The following LRMDA variants were observed in gnomAD, a reference collection of about 807,000 sequenced individuals.
The protein encoded by LRMDA is leucine-rich melanocyte differentiation-associated protein.
LRMDA carries 18 observed loss-of-function variants against 29.8 expected under a neutral mutation model. The ratio of observed to expected loss-of-function variants is 0.60; its 90% CI spans 0.42 to 0.90. The LOEUF (loss-of-function observed/expected upper bound fraction) is 0.90, where lower values mean the gene tolerates loss of function less well. LRMDA is among the 40% of genes least tolerant of loss of function. The probability of loss-of-function intolerance (pLI) is 0.00; values close to 1 mark genes in which losing one functional copy is unlikely to be tolerated. For synonymous variants in LRMDA, 125 were observed against 109.4 expected, an observed-to-expected ratio of 1.14 and a Z score of -0.89; for missense variants, 273 against 273.9, an observed-to-expected ratio of 1.00 and a Z score of 0.02.
At chr10:75,685,524 T>C (rs1230493756) in intron 2 of LRMDA, among the ~76,000 whole-genome samples, 2 of 152,208 alleles carry the variant, frequency 1.3e-5, no homozygotes, top group African/African-American at 2.4e-5. Context: ...TATCTGCCTA[T>C]TCATATCCAT....
At chr10:76,430,493 T>A (rs1842179422) in intron 6 of LRMDA, among the ~76,000 whole-genome samples, 1 of 152,194 alleles carries the variant, frequency 6.6e-6, no homozygotes, top group East Asian at 1.9e-4. Context: ...GTATTAACCT[T>A]GTGATTTATG....
At chr10:75,607,375 TCAG>T in intron 2 of LRMDA, among the ~76,000 whole-genome samples, 1 of 152,346 alleles carries the variant, frequency 6.6e-6, no homozygotes, top group South Asian at 2.1e-4. Context: ...TATTTTCCCC[TCAG>T]CAGATTTGTT....
At chr10:75,712,450 G>T (rs1842447810) in intron 2 of LRMDA, among the ~76,000 whole-genome samples, 1 of 151,984 alleles carries the variant, frequency 6.6e-6, no homozygotes, top group South Asian at 2.1e-4. Flanking sequence ...GGCGGTTGGG[G>T]GGGTGGTGTG....
intron 2 of LRMDA, among the ~76,000 whole-genome samples, chr10:75,926,641 G>A (rs1846124690): frequency 6.6e-6 from 1 of 152,224 alleles, no homozygotes; most frequent in African/African-American, 2.4e-5. Context: ...TTGGCAGTTT[G>A]GGATTGCTCC....
intron 2 of LRMDA, among the ~76,000 whole-genome samples, chr10:75,672,778 G>C (rs1245375259): frequency 1.3e-5 from 2 of 149,970 alleles, no homozygotes; most frequent in Non-Finnish European, 3.0e-5. Flanking sequence ...CATCATGTTG[G>C]CCAGGCTGGT....
rs1292200155 is a variant in LRMDA at position 76,409,497 on chromosome 10, G to GA, written c.601+85019dup. Among the ~76,000 whole-genome samples, 11 of 152,122 alleles carry GA rather than the reference G, an allele frequency of 7.2e-5. No individual in the cohort carries two copies. In the East Asian group the frequency reaches 1.5e-3, roughly 21 times the overall value. Reference sequence around the variant, plus strand: ...ATTTAGACAATTAGTAATATTGGGAGAAAAAAACTACCCATAATTCTGATA... The same window carrying GA: ...ATTTAGACAATTAGTAATATTGGGAGAAAAAAAACTACCCATAATTCTGATA... On this transcript the variant is annotated intron_variant, in intron 6 of 6. Transcript: ENST00000611255.
chr10:75,659,074 A>G (rs1379384185), intron 2 of LRMDA, among the ~76,000 whole-genome samples: 2 of 152,252 alleles, frequency 1.3e-5, no homozygotes. Context: ...GGGCAAACAC[A>G]GACCTGGCTC....
chr10:75,957,225 A>C (rs1846678415), intron 2 of LRMDA, among the ~76,000 whole-genome samples: 1 of 152,192 alleles, frequency 6.6e-6, no homozygotes, highest in South Asian at 2.1e-4. Context: ...CTGAACCGTT[A>C]GTGGGCTATG....
chr10:75,696,323 C>T (rs568177752), intron 2 of LRMDA, among the ~76,000 whole-genome samples: 1 of 152,332 alleles, frequency 6.6e-6, no homozygotes, highest in East Asian at 1.9e-4. Flanking sequence ...CAGTCAACAT[C>T]TTGGGCATTG....
intron 2 of LRMDA, among the ~76,000 whole-genome samples, chr10:75,582,468 T>C (rs778087519): frequency 6.6e-6 from 1 of 152,196 alleles, no homozygotes; most frequent in Non-Finnish European, 1.5e-5. Flanking sequence ...TTTTTAGCCA[T>C]GACTGGAGCT....
At chr10:76,098,557 A>G (rs1849348728) in intron 5 of LRMDA, among the ~76,000 whole-genome samples, 1 of 152,152 alleles carries the variant, frequency 6.6e-6, no homozygotes, top group South Asian at 2.1e-4. Flanking sequence ...GCTGATATTG[A>G]CAACTTGTAC....
rs1049059492 is a variant in LRMDA, at chr10:76,280,893, A to G, written c.517-43508A>G. Among the ~76,000 whole-genome samples, 5 of 152,212 alleles carry G rather than the reference A, an allele frequency of 3.3e-5. 1 individual carries two copies. The highest frequency in any genetic ancestry group is 2.0e-4 in the Admixed American group (3 of 15,282). ...GATCCCTGCCTTCAGGAAGTTTACC[A>G]ACAAGGGCACAAGCAACCATTGTAG... On this transcript the variant is annotated intron_variant, in intron 5 of 6. Transcript: ENST00000611255.
intron 2 of LRMDA, among the ~76,000 whole-genome samples, chr10:75,662,189 A>G (rs1333193148): frequency 6.6e-6 from 1 of 152,146 alleles, no homozygotes. Context: ...CAAACTGCAA[A>G]GTGTAAAGTT....
intron 2 of LRMDA, among the ~76,000 whole-genome samples, chr10:75,907,328 G>C (rs186829692): frequency 1.3e-5 from 2 of 152,286 alleles, no homozygotes; most frequent in African/African-American, 4.8e-5. Context: ...ACAGGTTTCT[G>C]TGTAATTTGA....
intron 2 of LRMDA, among the ~76,000 whole-genome samples, chr10:75,597,985 T>C (rs1316197681): frequency 6.6e-6 from 1 of 151,758 alleles, no homozygotes; most frequent in East Asian, 1.9e-4. Context: ...AGAGAGGAAA[T>C]GAGTTCAAAC....
intron 5 of LRMDA, among the ~76,000 whole-genome samples, chr10:76,085,307 A>T (rs931505559): frequency 6.6e-6 from 1 of 152,214 alleles, no homozygotes; most frequent in Non-Finnish European, 1.5e-5. Context: ...ATTCAATGGG[A>T]GGAAGATATT....
intron 2 of LRMDA, among the ~76,000 whole-genome samples, chr10:75,520,358 T>G (rs1408537241): frequency 6.6e-6 from 1 of 152,232 alleles, no homozygotes; most frequent in Non-Finnish European, 1.5e-5. Context: ...CCATATTTTT[T>G]GGAGGCTTTG....
chr10:75,798,444 G>T (rs1193741755), intron 2 of LRMDA, among the ~76,000 whole-genome samples: 1 of 151,990 alleles, frequency 6.6e-6, no homozygotes, highest in Non-Finnish European at 1.5e-5. Context: ...TATTTCAAAA[G>T]AACCAGCTTT....
chr10:75,834,994 AAC>A (rs1162175315), intron 2 of LRMDA, among the ~76,000 whole-genome samples: 4 of 152,176 alleles, frequency 2.6e-5, no homozygotes, highest in African/African-American at 9.7e-5. Context: ...CAAATTCCGA[AAC>A]CACTTCTACT....
Sources: allele counts gnomAD v4.1 joint callset (sites outside exome capture counted in the v4.1 genomes callset), GRCh38; gene constraint gnomAD v4.1.1; transcripts MANE v1.5; gene names NCBI Gene and HGNC (gene_info 2026-07-23, HGNC 2026-07-21).